PRH1: variants seen among roughly 807,000 people sequenced by gnomAD.
The protein encoded by PRH1 is proline rich protein HaeIII subfamily 1.
PRH1 carries 7 observed loss-of-function variants against 7.9 expected under a neutral mutation model. That is an observed-to-expected ratio of 0.89 (90% CI 0.50 to 1.67). PRH1 has a LOEUF of 1.67. Among genes scored for constraint, PRH1 ranks in the 40% most tolerant of loss-of-function variants. The pLI is 0.00. For synonymous variants in PRH1, 45 were observed against 80.8 expected (o/e 0.56, Z 2.38); for missense variants, 109 against 223.6 (o/e 0.49, Z 3.27).
At position 10,882,253 on chromosome 12, in the gene PRH1, C is replaced by T. The variant is rs751880148; in HGVS notation, c.546G>A (p.Gln182=). Reference sequence around the variant, plus strand: ...TCCTAGATTACTGAGGAGACTGCCCCTGTGGAGGTCCTTGTGGGCGGCCCC... The same window carrying T: ...TCCTAGATTACTGAGGAGACTGCCCTTGTGGAGGTCCTTGTGGGCGGCCCC... The part of the protein sequence containing the change: ...PQGGRPQGPP[Q]GQSPQ The change falls in exon 3 of 4, where the codon CAG becomes CAA. Residue 182 remains glutamine, a synonymous_variant. Transcript: ENST00000543626. The T allele has an allele frequency of 1.2e-6, 2 of 1,613,558 alleles. No homozygotes were observed. The highest frequency in any genetic ancestry group is 1.3e-5 in the African/African-American group (1 of 75,020).
chr12:10,927,937 C>A (rs534077990), intron 2 of PRH1, among the ~76,000 whole-genome samples: 13 of 152,172 alleles, frequency 8.5e-5, no homozygotes, highest in African/African-American at 3.1e-4. Flanking sequence ...AGAGGAGTAC[C>A]AATCCAGGAC....
At chr12:11,075,092 C>T (rs71453432) in intron 1 of PRH1, among the ~76,000 whole-genome samples, 43,209 of 96,618 alleles carry the variant, frequency 0.45, 6,767 homozygotes, top group Non-Finnish European at 0.55. Context: ...AACTCAGACA[C>T]TGGCTCTAGT....
At chr12:10,908,557 C>T (rs1198053983) in intron 2 of PRH1, 3 of 1,613,792 alleles carry the variant, frequency 1.9e-6, no homozygotes, top group South Asian at 1.1e-5. Context: ...GATATGAGAA[C>T]ACATAGAAAG....
intron 2 of PRH1, among the ~76,000 whole-genome samples, chr12:10,962,379 CT>C (rs1404743328): frequency 6.6e-6 from 1 of 151,998 alleles, no homozygotes; most frequent in African/African-American, 2.4e-5. Context: ...ATCCAAAAGT[CT>C]TTTATATGCT....
chr12:10,920,658 A>T (rs2135846700), intron 2 of PRH1, among the ~76,000 whole-genome samples: 1 of 152,182 alleles, frequency 6.6e-6, no homozygotes, highest in Non-Finnish European at 1.5e-5. Flanking sequence ...TTTCCTGTTG[A>T]TTTTTAAATT....
intron 1 of PRH1, among the ~76,000 whole-genome samples, chr12:11,042,892 G>C (rs937625651): frequency 9.2e-5 from 14 of 151,922 alleles, no homozygotes; most frequent in Admixed American, 2.6e-4. Context: ...GCCTCCCAAA[G>C]TGCTGGGATT....
upstream of PRH1, chr12:11,049,259 T>C (rs192340032): frequency 2.4e-5 from 23 of 942,578 alleles, no homozygotes; most frequent in Admixed American, 6.9e-4. Context: ...CATATCATGT[T>C]TGAACAAATG....
chr12:10,932,055 G>T (rs1950221221), intron 2 of PRH1, among the ~76,000 whole-genome samples: 1 of 152,310 alleles, frequency 6.6e-6, no homozygotes, highest in Non-Finnish European at 1.5e-5. Flanking sequence ...CACATTACGT[G>T]CAATGGCATA....
At chr12:11,013,790 T>C (rs117620570) in intron 1 of PRH1, among the ~76,000 whole-genome samples, 3,722 of 152,262 alleles carry the variant, frequency 0.024, 58 homozygotes, top group Non-Finnish European at 0.037. Flanking sequence ...AGTGCAGTGG[T>C]TTGAGATTGG....
At chr12:11,147,038 G>A (rs890932955) in intron 1 of PRH1, among the ~76,000 whole-genome samples, 8 of 151,848 alleles carry the variant, frequency 5.3e-5, no homozygotes, top group Non-Finnish European at 1.5e-5. Flanking sequence ...GCCTATCTCC[G>A]AACTGTTAAT....
intron 1 of PRH1, among the ~76,000 whole-genome samples, chr12:11,015,004 T>C (rs1276122537): frequency 6.6e-6 from 1 of 151,986 alleles, no homozygotes; most frequent in Non-Finnish European, 1.5e-5. Flanking sequence ...TAAGTAAAGA[T>C]GCTTAAAATT....
chr12:10,981,402 C>A (rs983578322), intron 1 of PRH1, among the ~76,000 whole-genome samples: 41 of 126,208 alleles, frequency 3.2e-4, no homozygotes, highest in Non-Finnish European at 5.6e-4. Flanking sequence ...GAGGTGGAGA[C>A]TCGCTCTGTC....
chr12:11,162,982 T>A (rs1479202089), intron 1 of PRH1, among the ~76,000 whole-genome samples: 2 of 152,186 alleles, frequency 1.3e-5, no homozygotes, highest in Admixed American at 6.5e-5. Context: ...TACTATGAAG[T>A]GATACCTAAT....
intron 2 of PRH1, among the ~76,000 whole-genome samples, chr12:10,926,245 A>C (rs546825824): frequency 6.6e-6 from 1 of 152,294 alleles, no homozygotes; most frequent in African/African-American, 2.4e-5. Flanking sequence ...TAATTCTTCC[A>C]ATGTACATAA....
At chr12:11,142,398 T>TA in intron 1 of PRH1, among the ~76,000 whole-genome samples, 1 of 152,188 alleles carries the variant, frequency 6.6e-6, no homozygotes. Context: ...AAGAAATTGT[T>TA]AAAAAATAAG....
At chr12:10,981,611 G>A (rs761858756) in intron 1 of PRH1, among the ~76,000 whole-genome samples, 33 of 151,986 alleles carry the variant, frequency 2.2e-4, no homozygotes, top group Non-Finnish European at 4.3e-4. Context: ...CTGACCTCAA[G>A]TGATCCAACC....
chr12:11,006,310 A>G (rs1940828131), intron 1 of PRH1: 1 of 151,048 alleles, frequency 6.6e-6, no homozygotes, highest in East Asian at 2.0e-4. Context: ...TACTGATTTG[A>G]TCCTGTGTTA....
intron 1 of PRH1, chr12:11,031,125 A>T (rs1346575768): frequency 1.2e-6 from 2 of 1,614,162 alleles, no homozygotes; most frequent in African/African-American, 2.7e-5. Flanking sequence ...GCTGGATTAA[A>T]CACAGTTGAA....
chr12:11,031,407 G>C, intron 1 of PRH1: 1 of 1,545,014 alleles, frequency 6.5e-7, no homozygotes, highest in Non-Finnish European at 8.7e-7. Flanking sequence ...AGGTGGGTTC[G>C]TGGTCTCCCT....
Sources: allele counts gnomAD v4.1 joint callset (sites outside exome capture counted in the v4.1 genomes callset), GRCh38; gene constraint gnomAD v4.1.1; transcripts MANE v1.5; gene names NCBI Gene and HGNC (gene_info 2026-07-23, HGNC 2026-07-21).